Variants in HERC3 observed in about 807,000 individuals in gnomAD.
HERC3 encodes probable E3 ubiquitin-protein ligase HERC3.
In HERC3, 58 loss-of-function variants were observed where a neutral mutation model predicts 129.9. The ratio of observed to expected loss-of-function variants is 0.45; its 90% CI spans 0.36 to 0.56. The LOEUF is 0.56. Among genes scored for constraint, HERC3 ranks in the 20% least tolerant of loss-of-function variants. The pLI, the probability that HERC3 is intolerant of heterozygous loss-of-function variation, is 0.00. For missense variants in HERC3, 835 were observed against 1,244.2 expected (o/e 0.67, Z 4.95); for synonymous variants, 430 against 451.0 (o/e 0.95, Z 0.59).
chr4:88,640,806 G>A (rs1283412268), intron 3 of HERC3, among the ~76,000 whole-genome samples: 5 of 152,086 alleles, frequency 3.3e-5, no homozygotes, highest in African/African-American at 1.2e-4. Flanking sequence ...TAACAACTGA[G>A]CTTCAAAATA....
the HERC3 span, among the ~76,000 whole-genome samples, chr4:88,586,186 A>T: frequency 1.3e-5 from 2 of 152,222 alleles, no homozygotes; most frequent in Admixed American, 6.5e-5. Flanking sequence ...AACATTCAAC[A>T]GGGGGAAGTT....
intron 18 of HERC3, 30 bp from the exon 19 acceptor site, chr4:88,677,934 G>A (rs768059196): frequency 6.9e-6 from 11 of 1,604,868 alleles, no homozygotes; most frequent in Non-Finnish European, 8.5e-6. Flanking sequence ...TGTGCTCTGA[G>A]TAATTGCTTT....
the HERC3 span, among the ~76,000 whole-genome samples, chr4:88,538,798 C>T: frequency 6.6e-6 from 1 of 152,154 alleles, no homozygotes; most frequent in Non-Finnish European, 1.5e-5. Context: ...CCGCCTCGGC[C>T]TCCCAAAGTG....
chr4:88,682,041 T>A (rs1732835722), intron 21 of HERC3, among the ~76,000 whole-genome samples: 1 of 152,248 alleles, frequency 6.6e-6, no homozygotes, highest in Admixed American at 6.5e-5. Context: ...TTTTATTTTT[T>A]AAACTGCCAA....
At chr4:88,639,726 A>T (rs1478699857) in intron 3 of HERC3, among the ~76,000 whole-genome samples, 1 of 152,244 alleles carries the variant, frequency 6.6e-6, no homozygotes, top group African/African-American at 2.4e-5. Context: ...CAAAAGCCAA[A>T]ATTGACAAAT....
In HERC3 at chr4:88,662,570, G is replaced by A; in HGVS notation, c.1271+15G>A. ...AATACAATCAAGTATGTGGCTGCTTGTCTTCATTTTTTTTTCCACAAAGTA... is the reference window on the plus strand; with the variant it reads ...AATACAATCAAGTATGTGGCTGCTTATCTTCATTTTTTTTTCCACAAAGTA... On this transcript the variant is annotated intron_variant, in intron 11 of 25. Coordinates refer to ENST00000402738, the MANE Select transcript of HERC3 (RefSeq NM_014606.3). 6.3e-7 allele frequency: 1 copy of A among 1,590,750 alleles called. No homozygotes were observed. Among genetic ancestry groups the A allele is most frequent in the Non-Finnish European group, 8.5e-7 (1 of 1,173,512 alleles).
intron 14 of HERC3, among the ~76,000 whole-genome samples, chr4:88,668,997 T>A (rs1731330725): frequency 6.6e-6 from 1 of 152,200 alleles, no homozygotes; most frequent in South Asian, 2.1e-4. Flanking sequence ...TCAGAAGAAA[T>A]CTTACCTGAC....
chr4:88,532,623 C>G, the HERC3 span, among the ~76,000 whole-genome samples: 1 of 152,136 alleles, frequency 6.6e-6, no homozygotes, highest in Non-Finnish European at 1.5e-5. Flanking sequence ...TACCAGCTAA[C>G]TAGGCATCCC....
intron 3 of HERC3, among the ~76,000 whole-genome samples, chr4:88,612,965 C>T (rs898418009): frequency 6.6e-6 from 1 of 152,176 alleles, no homozygotes; most frequent in African/African-American, 2.4e-5. Context: ...TACCATGCCT[C>T]TCATATTCCT....
At chr4:88,653,117 T>C (rs1729474314) in intron 6 of HERC3, 27 bp downstream of exon 6, 2 of 1,604,516 alleles carry the variant, frequency 1.2e-6, no homozygotes, top group African/African-American at 1.3e-5. Context: ...TATGTATGTA[T>C]TTAGTTTAAA....
At chr4:88,551,482 C>T in the HERC3 span, among the ~76,000 whole-genome samples, 1 of 150,590 alleles carries the variant, frequency 6.6e-6, no homozygotes, top group Non-Finnish European at 1.5e-5. Flanking sequence ...AGGATATGAA[C>T]AGACACTTCT....
chr4:88,657,316 A>G (rs774352497), intron 9 of HERC3: 1 of 152,222 alleles, frequency 6.6e-6, no homozygotes, highest in African/African-American at 2.4e-5. Flanking sequence ...AGGACCTGGC[A>G]TGAACTTGTC....
the HERC3 span, among the ~76,000 whole-genome samples, chr4:88,558,071 C>CAAAAAAAA: frequency 0.029 from 1,045 of 35,906 alleles, no homozygotes; most frequent in Non-Finnish European, 0.061. Context: ...GACTCTGACT[C>CAAAAAAAA]AAAAAAAAAA....
intron 23 of HERC3, chr4:88,697,382 C>A: frequency 6.2e-7 from 1 of 1,614,058 alleles, no homozygotes; most frequent in Non-Finnish European, 8.5e-7. Flanking sequence ...TCCATCTCGC[C>A]GGTGAGCTCT....
chr4:88,697,684 T>TCCGCCG (rs764990992), intron 23 of HERC3: 13 of 1,610,982 alleles, frequency 8.1e-6, no homozygotes, highest in South Asian at 4.4e-5. Flanking sequence ...CATTACCTCC[T>TCCGCCG]CTGCCGCTGC....
rs937877691 is a variant in HERC3 at position 88,677,833 on chromosome 4, G to A, written c.2026-131G>A. ...ACATAAGTAACTTAGAAAATCTGTG[G>A]AAGTTAAGAGGGAAAAAAATTAACA... On this transcript the variant is annotated intron_variant, in intron 18 of 25. Transcript: ENST00000402738. 1.6e-5 allele frequency: 11 copies of A among 698,264 alleles called. No individual in the cohort carries two copies. In the African/African-American group the frequency reaches 2.0e-4, roughly 12 times the overall value. 43.3% of individuals were successfully genotyped at this position (698,264 alleles called of 1,614,324 possible). A position where few individuals can be genotyped will look rare whatever the true frequency, so the allele number is the denominator to read the frequency against.
Position 88,681,342 on chromosome 4 carries a change from C to G in HERC3, c.2507+17C>G, listed in dbSNP as rs766298017. 6.3e-7 allele frequency: 1 copy of G among 1,598,980 alleles called. No homozygotes were observed. The highest frequency in any genetic ancestry group is 1.3e-5 in the African/African-American group (1 of 74,300). On this transcript the variant is annotated intron_variant, in intron 21 of 25. Coordinates refer to ENST00000402738, the MANE Select transcript of HERC3 (RefSeq NM_014606.3). ...TGAAGGAAGGTACAAAGCTAAAAGGCGATTGGTATCTGAAACTGTTGTGGC... is the reference window on the plus strand; with the variant it reads ...TGAAGGAAGGTACAAAGCTAAAAGGGGATTGGTATCTGAAACTGTTGTGGC...
chr4:88,669,979 A>G lies in HERC3; in HGVS notation c.1753A>G (p.Asn585Asp), dbSNP rs1208547865. The G allele has an allele frequency of 1.2e-6, 2 of 1,613,952 alleles. No individual in the cohort carries two copies. The highest frequency in any genetic ancestry group is 2.2e-5 in the South Asian group (2 of 91,078). Reference protein sequence around the residue: ...KTFLIPVLFNNYITAALKLLE... With the variant: ...KTFLIPVLFNDYITAALKLLE... ...ATTCTTAATTCCCGTACTGTTTAACAATTATATCACAGCAGCTCTCAAACT... is the reference window on the plus strand; with the variant it reads ...ATTCTTAATTCCCGTACTGTTTAACGATTATATCACAGCAGCTCTCAAACT... The change falls in exon 15 of 26, where the codon AAT becomes GAT. Residue 585 changes from asparagine (N) to aspartate (D), a missense_variant. Transcript: ENST00000402738.
intron 4 of HERC3, among the ~76,000 whole-genome samples, chr4:88,651,712 G>A (rs1467021332): frequency 6.6e-6 from 1 of 152,174 alleles, no homozygotes; most frequent in Non-Finnish European, 1.5e-5. Context: ...AGCCTCCCGA[G>A]TAGCTGGGAT....
Sources: allele counts gnomAD v4.1 joint callset (sites outside exome capture counted in the v4.1 genomes callset), GRCh38; gene constraint gnomAD v4.1.1; transcripts MANE v1.5; gene names NCBI Gene and HGNC (gene_info 2026-07-23, HGNC 2026-07-21).